NR5A2: variants seen among roughly 807,000 people sequenced by gnomAD.
The protein encoded by NR5A2 is CYP7A promoter-binding factor.
In NR5A2, 26 loss-of-function variants were observed where a neutral mutation model predicts 62.7. The observed-to-expected ratio is 0.41, with a 90% CI of 0.30 to 0.58. NR5A2 has a LOEUF of 0.58. Ranked by LOEUF, NR5A2 falls within the 20% of genes least tolerant of loss-of-function variation. The pLI, the probability that NR5A2 is intolerant of heterozygous loss-of-function variation, is 0.22. For synonymous variants in NR5A2, 246 were observed against 241.7 expected, an observed-to-expected ratio of 1.02 and a Z score of -0.16; for missense variants, 541 against 669.1, an observed-to-expected ratio of 0.81 and a Z score of 2.11.
intron 5 of NR5A2, among the ~76,000 whole-genome samples, chr1:200,054,553 G>T (rs999829308): frequency 1.3e-5 from 2 of 151,892 alleles, no homozygotes; most frequent in African/African-American, 2.4e-5. Flanking sequence ...ATACATGTAC[G>T]TATTAAAAAA....
intron 7 of NR5A2, among the ~76,000 whole-genome samples, chr1:200,125,115 A>T (rs1666646084): frequency 6.6e-6 from 1 of 152,204 alleles, no homozygotes; most frequent in South Asian, 2.1e-4. Flanking sequence ...CTCCCAGTTT[A>T]TGAGAGGAGA....
chr1:200,142,111 C>T (rs1207078984), intron 7 of NR5A2, among the ~76,000 whole-genome samples: 1 of 151,408 alleles, frequency 6.6e-6, no homozygotes, highest in Admixed American at 6.6e-5. Flanking sequence ...GCATAATTCC[C>T]TCTTCAACTA....
At chr1:200,067,015 A>G (rs1663515170) in intron 5 of NR5A2, among the ~76,000 whole-genome samples, 1 of 152,214 alleles carries the variant, frequency 6.6e-6, no homozygotes, top group Non-Finnish European at 1.5e-5. Flanking sequence ...TTGCTTCATC[A>G]TAACCCTTTA....
At chr1:200,122,949 T>G (rs1666542740) in intron 7 of NR5A2, among the ~76,000 whole-genome samples, 1 of 152,178 alleles carries the variant, frequency 6.6e-6, no homozygotes, top group African/African-American at 2.4e-5. Context: ...TTTTTTGAAT[T>G]TCACCTTTAT....
At chr1:200,170,867 G>A (rs1245157278) in intron 7 of NR5A2, among the ~76,000 whole-genome samples, 1 of 152,134 alleles carries the variant, frequency 6.6e-6, no homozygotes, top group Non-Finnish European at 1.5e-5. Flanking sequence ...CCAAATTTTT[G>A]AAAATCAGTT....
intron 5 of NR5A2, among the ~76,000 whole-genome samples, chr1:200,086,304 C>CG (rs958754077): frequency 6.8e-6 from 1 of 147,436 alleles, no homozygotes; most frequent in African/African-American, 2.5e-5. Flanking sequence ...GTTCCGGAAA[C>CG]TTTTTTTTTT....
At position 200,123,806 on chromosome 1, in the gene NR5A2, GT is replaced by G. The variant is rs34010101; in HGVS notation, c.1378+2863del. 4.9e-3 allele frequency among the ~76,000 whole-genome samples: 671 copies of G among 135,768 alleles called. 9 individuals are homozygous for G. Among genetic ancestry groups the G allele is most frequent in the African/African-American group, 0.016 (606 of 36,960 alleles). 89.1% of individuals were successfully genotyped at this position (135,768 alleles called of 152,430 possible). On this transcript the variant is annotated intron_variant, in intron 7 of 7. Transcript: ENST00000367362. ...ATGCTGTGATTTATTTTTAGAGGTG[GT>G]TTTTTTTTTTTGAAACGGAGTTTCA...
At chr1:200,151,580 T>C (rs764244081) in intron 7 of NR5A2, among the ~76,000 whole-genome samples, 1 of 152,128 alleles carries the variant, frequency 6.6e-6, no homozygotes, top group Non-Finnish European at 1.5e-5. Flanking sequence ...AAATCAACTA[T>C]AGAAAAATTA....
intron 7 of NR5A2, among the ~76,000 whole-genome samples, chr1:200,165,247 G>A (rs959319683): frequency 1.3e-5 from 2 of 151,940 alleles, no homozygotes; most frequent in African/African-American, 2.4e-5. Flanking sequence ...CCCCTGCCCC[G>A]CTACTGTCAG....
intron 7 of NR5A2, among the ~76,000 whole-genome samples, chr1:200,163,279 AAG>A (rs1281058428): frequency 2.7e-5 from 4 of 150,066 alleles, no homozygotes; most frequent in Admixed American, 6.6e-5. Context: ...AAAAAAAAAA[AAG>A]AAGAAGAAAG....
At position 200,048,233 on chromosome 1, in the gene NR5A2, C is replaced by G. The variant is rs750009121; in HGVS notation, c.525C>G (p.Asp175Glu). 4 of 1,614,022 alleles carry G rather than the reference C, an allele frequency of 2.5e-6. No homozygotes were observed. Among genetic ancestry groups the G allele is most frequent in the Non-Finnish European group, 3.4e-6 (4 of 1,179,988 alleles). The stretch of plus-strand genomic sequence containing the variant: ...AGTTTGGGCCAATGTACAAGAGAGA[C>G]AGGGCCCTGAAGCAACAGAAAAAAG... Reference protein sequence around the residue: ...RNKFGPMYKRDRALKQQKKAL... With the variant: ...RNKFGPMYKRERALKQQKKAL... The change falls in exon 5 of 8, where the codon GAC becomes GAG. Residue 175 changes from aspartate to glutamate, a missense_variant. Asp to Glu is a conservative substitution (Grantham distance 45). Coordinates refer to ENST00000367362, the MANE Select transcript of NR5A2 (RefSeq NM_205860.3). This position sits in a 1 kb window ranked among gnomAD's most constrained non-coding sequence, Gnocchi z 4.8.
intron 1 of NR5A2, among the ~76,000 whole-genome samples, chr1:200,030,381 T>C (rs1661507537): frequency 1.3e-5 from 2 of 152,208 alleles, no homozygotes; most frequent in South Asian, 4.1e-4. Context: ...TGTCTGTGCT[T>C]GTATAGAAAA....
chr1:200,110,291 T>C (rs1027836867), intron 5 of NR5A2, among the ~76,000 whole-genome samples: 3 of 152,156 alleles, frequency 2.0e-5, no homozygotes, highest in African/African-American at 7.2e-5. Flanking sequence ...AAGGTTTTTG[T>C]CCGGTAAACA....
intron 6 of NR5A2, among the ~76,000 whole-genome samples, chr1:200,119,499 C>G (rs1360741529): frequency 6.6e-6 from 1 of 152,188 alleles, no homozygotes; most frequent in Non-Finnish European, 1.5e-5. Context: ...CAGGTACCAA[C>G]TGGGCTTTCC....
intron 5 of NR5A2, among the ~76,000 whole-genome samples, chr1:200,079,880 A>AG (rs1393156972): frequency 1.3e-5 from 2 of 149,274 alleles, no homozygotes; most frequent in East Asian, 3.9e-4. Flanking sequence ...AAAAAAAAAA[A>AG]TGGTGAAAGG....
At chr1:200,149,464 TTC>T (rs1317728977) in intron 7 of NR5A2, among the ~76,000 whole-genome samples, 1 of 152,222 alleles carries the variant, frequency 6.6e-6, no homozygotes, top group East Asian at 1.9e-4. Context: ...CTCTTTTTTA[TTC>T]TGATTGTGAC....
intron 5 of NR5A2, among the ~76,000 whole-genome samples, chr1:200,077,071 T>C (rs1225926085): frequency 6.6e-6 from 1 of 152,258 alleles, no homozygotes; most frequent in African/African-American, 2.4e-5. Context: ...TCTACTACTT[T>C]AGTGCCGTTT....
Position 200,174,265 on chromosome 1 carries a change from G to A in NR5A2, c.*55G>A, listed in dbSNP as rs1247384193. 3 of 1,460,360 alleles carry A rather than the reference G, an allele frequency of 2.1e-6. No homozygotes were observed. The highest frequency in any genetic ancestry group is 1.6e-5 in the South Asian group (1 of 61,596). 90.5% of individuals were successfully genotyped at this position (1,460,360 alleles called of 1,614,324 possible). On this transcript the variant is annotated 3_prime_UTR_variant, in exon 8 of 8. Transcript: ENST00000367362. ...AACAAAAAGAGATTGGGGGAGTGGG[G>A]AGGGGGAAGAAGAACAGGAAGAAAA...
chr1:200,087,207 C>T (rs1159919079), intron 5 of NR5A2, among the ~76,000 whole-genome samples: 1 of 150,782 alleles, frequency 6.6e-6, no homozygotes, highest in East Asian at 2.0e-4. Context: ...CCACAAATGT[C>T]CCTCTCCCTT....
Sources: allele counts gnomAD v4.1 joint callset (sites outside exome capture counted in the v4.1 genomes callset), GRCh38; gene constraint gnomAD v4.1.1; non-coding constraint Gnocchi (gnomAD v3.1); transcripts MANE v1.5; gene names NCBI Gene and HGNC (gene_info 2026-07-23, HGNC 2026-07-21).